The following ITPKB variants were observed in gnomAD, a reference collection of about 807,000 sequenced individuals.
ITPKB encodes inositol-trisphosphate 3-kinase B.
ITPKB carries 13 observed loss-of-function variants against 69.4 expected under a neutral mutation model. That is an observed-to-expected ratio of 0.19 (90% CI 0.12 to 0.30). ITPKB has a LOEUF of 0.30. Among genes scored for constraint, ITPKB ranks in the 10% least tolerant of loss-of-function variants. The pLI, the probability that ITPKB is intolerant of heterozygous loss-of-function variation, is 1.00. For missense variants in ITPKB, 1,240 were observed against 1,250.5 expected, an observed-to-expected ratio of 0.99 and a Z score of 0.13; for synonymous variants, 584 against 513.7, an observed-to-expected ratio of 1.14 and a Z score of -1.85.
intron 2 of ITPKB, among the ~76,000 whole-genome samples, chr1:226,700,482 A>G (rs1015567570): frequency 6.6e-6 from 1 of 150,632 alleles, no homozygotes; most frequent in Non-Finnish European, 1.5e-5. Flanking sequence ...AAAAAAAAAA[A>G]AAAAAAAAAA....
At chr1:226,687,507 C>G (rs1453290568) in intron 2 of ITPKB, among the ~76,000 whole-genome samples, 2 of 152,202 alleles carry the variant, frequency 1.3e-5, no homozygotes, top group Non-Finnish European at 2.9e-5. Flanking sequence ...ACCCTCTGTC[C>G]CTGGAACAGC....
At chr1:226,670,522 T>C (rs1669593559) in intron 2 of ITPKB, among the ~76,000 whole-genome samples, 1 of 152,214 alleles carries the variant, frequency 6.6e-6, no homozygotes, top group Non-Finnish European at 1.5e-5. Context: ...AGGCACATCC[T>C]TGGGATGGAT....
In ITPKB at chr1:226,656,367, G is replaced by A. The variant is rs151112650; in HGVS notation, c.1933-7596C>T. 8.0e-3 allele frequency among the ~76,000 whole-genome samples: 1,220 copies of A among 152,264 alleles called. 8 individuals are homozygous for A. Among genetic ancestry groups the A allele is most frequent in the Middle Eastern group, 0.065 (19 of 294 alleles). On this transcript the variant is annotated intron_variant, in intron 2 of 7. Coordinates refer to ENST00000429204, the MANE Select transcript of ITPKB (RefSeq NM_002221.4). Reference sequence around the variant, plus strand: ...GGCTGCACTTGCCCATCTGGAGCCCGGTCAGAGGCTGCTGAAGAAATTTCA... The same window carrying A: ...GGCTGCACTTGCCCATCTGGAGCCCAGTCAGAGGCTGCTGAAGAAATTTCA...
chr1:226,653,023 A>C (rs1356834703), intron 2 of ITPKB, among the ~76,000 whole-genome samples: 1 of 152,182 alleles, frequency 6.6e-6, no homozygotes, highest in Non-Finnish European at 1.5e-5. Flanking sequence ...CCATTTCTGC[A>C]GGCGTGCACC....
At chr1:226,658,103 G>A (rs2102754439) in intron 2 of ITPKB, among the ~76,000 whole-genome samples, 1 of 152,378 alleles carries the variant, frequency 6.6e-6, no homozygotes. Flanking sequence ...AAAAGTCTGA[G>A]TGAGAGTCAT....
In ITPKB at chr1:226,641,651, A is replaced by G. The variant is rs918833891; in HGVS notation, c.2451+270T>C. Among the ~76,000 whole-genome samples the G allele has an allele frequency of 6.6e-6, 1 of 152,238 alleles. No homozygotes were observed. The highest frequency in any genetic ancestry group is 1.5e-5 in the Non-Finnish European group (1 of 68,044). On this transcript the variant is annotated intron_variant, in intron 5 of 7. Transcript: ENST00000429204. The surrounding 1 kb of genome is among the most constrained non-coding windows in gnomAD (Gnocchi z 4.6). ...TCTCGCCTGGCTTTCGGTGCCAGGC[A>G]CCGTCTGGGCTAAATGGAGAGTCCT...
At position 226,736,753 on chromosome 1, in the gene ITPKB, G is replaced by C; in HGVS notation, c.706C>G (p.Pro236Ala). 1 of 1,613,068 alleles carries C rather than the reference G, an allele frequency of 6.2e-7. No individual in the cohort carries two copies. The highest frequency in any genetic ancestry group is 8.5e-7 in the Non-Finnish European group (1 of 1,179,996). ...CSSQVKKGMP[P>A]LPGRAAPTGS... ...GTAGGGGCAGCCCGGCCGGGAAGAG[G>C]TGGCATTCCTTTCTTCACCTGCGAG... The change falls in exon 2 of 8, where the codon CCT (proline) becomes GCT (alanine). Residue 236 changes from proline (P) to alanine (A), a missense_variant. Physicochemically the swap from Pro to Ala is conservative, Grantham distance 27. Coordinates refer to ENST00000429204, the MANE Select transcript of ITPKB (RefSeq NM_002221.4).
chr1:226,638,055 C>T (rs1443534995), intron 6 of ITPKB, among the ~76,000 whole-genome samples: 2 of 152,358 alleles, frequency 1.3e-5, no homozygotes, highest in East Asian at 3.9e-4. Flanking sequence ...CCATCTTCCC[C>T]AGAAGCCAGC....
At chr1:226,636,776 G>GTGTC (rs1252121820) in intron 7 of ITPKB, among the ~76,000 whole-genome samples, 2 of 148,586 alleles carry the variant, frequency 1.3e-5, no homozygotes, top group African/African-American at 5.2e-5. Flanking sequence ...GTGTGTGTGT[G>GTGTC]TGTGTGTGTG....
chr1:226,640,048 C>T (rs3768368), intron 5 of ITPKB, among the ~76,000 whole-genome samples: 6 of 152,132 alleles, frequency 3.9e-5, no homozygotes, highest in Non-Finnish European at 5.9e-5. Flanking sequence ...GCCCTGGAAC[C>T]GGTGCCCGGA....
intron 2 of ITPKB, among the ~76,000 whole-genome samples, chr1:226,718,021 G>A (rs1188532297): frequency 3.9e-5 from 6 of 152,224 alleles, no homozygotes; most frequent in South Asian, 2.1e-4. Context: ...TTGGCCGGGC[G>A]TGGTAGCTCA....
intron 2 of ITPKB, among the ~76,000 whole-genome samples, chr1:226,717,966 A>C (rs1244857372): frequency 6.6e-6 from 1 of 152,256 alleles, no homozygotes; most frequent in Admixed American, 6.5e-5. Flanking sequence ...ACGGTAAATA[A>C]GCCAGTGAAA....
intron 2 of ITPKB, among the ~76,000 whole-genome samples, chr1:226,681,497 T>C (rs964883240): frequency 6.6e-6 from 1 of 152,236 alleles, no homozygotes; most frequent in Admixed American, 6.5e-5. Context: ...TGCAGAAAAT[T>C]TGATAAATCC....
intron 2 of ITPKB, among the ~76,000 whole-genome samples, chr1:226,683,323 T>G (rs561075669): frequency 1.2e-4 from 18 of 152,274 alleles, no homozygotes; most frequent in African/African-American, 3.9e-4. Context: ...ACCTGTAGAG[T>G]TGATGGAGCT....
intron 2 of ITPKB, chr1:226,656,682 G>A (rs140945888): frequency 6.6e-6 from 1 of 152,262 alleles, no homozygotes; most frequent in African/African-American, 2.4e-5. Context: ...CACGGAGTTG[G>A]ATGTTGTTCT....
rs1283211682 is a variant in ITPKB at position 226,641,303 on chromosome 1, A to G, written c.2451+618T>C. Among the ~76,000 whole-genome samples, 1 of 152,266 alleles carries G rather than the reference A, an allele frequency of 6.6e-6. No homozygotes were observed. Among genetic ancestry groups the G allele is most frequent in the Non-Finnish European group, 1.5e-5 (1 of 68,044 alleles). ...TTTCCTGCCAGATACACATAGGTAC[A>G]AAGGGATAGAAGGGAAAGAGCCATC... On this transcript the variant is annotated intron_variant, in intron 5 of 7. Coordinates refer to ENST00000429204, the MANE Select transcript of ITPKB (RefSeq NM_002221.4). The surrounding 1 kb of genome is among the most constrained non-coding windows in gnomAD (Gnocchi z 4.6).
At chr1:226,720,482 T>G (rs964875578) in intron 2 of ITPKB, among the ~76,000 whole-genome samples, 1 of 152,234 alleles carries the variant, frequency 6.6e-6, no homozygotes, top group East Asian at 1.9e-4. Context: ...ATCCCAGTCC[T>G]GCCATTGATC....
intron 7 of ITPKB, among the ~76,000 whole-genome samples, chr1:226,636,010 G>A (rs1668831257): frequency 6.6e-6 from 1 of 152,212 alleles, no homozygotes. Flanking sequence ...CTTCGCAGGT[G>A]GAAAACAACA....
intron 2 of ITPKB, among the ~76,000 whole-genome samples, chr1:226,688,196 C>T (rs1422071096): frequency 6.6e-6 from 1 of 152,178 alleles, no homozygotes; most frequent in African/African-American, 2.4e-5. Flanking sequence ...CATTATCATA[C>T]AAGAGATCCC....
Sources: gnomAD v4.1 joint callset for allele counts (sites outside exome capture counted in the v4.1 genomes callset) on GRCh38, gnomAD v4.1.1 for gene constraint, Gnocchi (gnomAD v3.1) non-coding constraint, MANE v1.5 for transcripts, NCBI Gene and HGNC (gene_info 2026-07-23, HGNC 2026-07-21) for gene names.